ZCWPW2: variants seen among roughly 807,000 people sequenced by gnomAD.
ZCWPW2 encodes the protein zinc finger CW-type PWWP domain protein 2.
Under a neutral mutation model 46.6 loss-of-function variants are expected in ZCWPW2, and 45 were observed. That is an observed-to-expected ratio of 0.96 (90% CI 0.76 to 1.24). The LOEUF (loss-of-function observed/expected upper bound fraction) is 1.24. Among genes scored for constraint, ZCWPW2 ranks in the 50% most tolerant of loss-of-function variants. The probability of loss-of-function intolerance (pLI) is 0.00; values close to 1 mark genes in which losing one functional copy is unlikely to be tolerated. For synonymous variants in ZCWPW2, 152 were observed against 137.1 expected, an observed-to-expected ratio of 1.11 and a Z score of -0.76; for missense variants, 429 against 403.9, an observed-to-expected ratio of 1.06 and a Z score of -0.53.
intron 1 of ZCWPW2, among the ~76,000 whole-genome samples, chr3:28,384,032 C>T (rs573882966): frequency 6.6e-6 from 1 of 152,240 alleles, no homozygotes; most frequent in South Asian, 2.1e-4. Context: ...CCTGGGCTCT[C>T]CCACAGCTTT....
At chr3:28,358,842 C>CG (rs1466129492) in intron 1 of ZCWPW2, among the ~76,000 whole-genome samples, 1 of 151,994 alleles carries the variant, frequency 6.6e-6, no homozygotes, top group African/African-American at 2.4e-5. Context: ...TTTTACCCCC[C>CG]CCAACAATCC....
At position 28,369,934 on chromosome 3, in the gene ZCWPW2, G is replaced by A. The variant is rs150650339; in HGVS notation, c.-133-20564G>A. Among the ~76,000 whole-genome samples, 391 of 152,236 alleles carry A rather than the reference G, an allele frequency of 2.6e-3. 1 individual carries two copies. Among genetic ancestry groups the A allele is most frequent in the African/African-American group, 8.5e-3 (352 of 41,544 alleles). ...CTGTGCTAGCAATGAGCGAGGCTCC[G>A]TGGGTGTAGGACCCTCCGAGCCAGG... On this transcript the variant is annotated intron_variant, in intron 1 of 9. Coordinates refer to ENST00000383768, the MANE Select transcript of ZCWPW2 (RefSeq NM_001040432.4).
At chr3:28,488,258 G>T (rs963376740) in intron 5 of ZCWPW2, among the ~76,000 whole-genome samples, 1 of 152,140 alleles carries the variant, frequency 6.6e-6, no homozygotes. Context: ...GCTCAGGTTG[G>T]TTGTGATTCT....
At chr3:28,458,073 C>T (rs1008657301) in intron 4 of ZCWPW2, among the ~76,000 whole-genome samples, 1 of 152,118 alleles carries the variant, frequency 6.6e-6, no homozygotes, top group Non-Finnish European at 1.5e-5. Flanking sequence ...GGCTAAGGAA[C>T]TCTTTATAAC....
rs548718723 is a variant in ZCWPW2 at position 28,411,873 on chromosome 3, A to C, written c.-13-1183A>C. Among the ~76,000 whole-genome samples, 4 of 152,198 alleles carry C rather than the reference A, an allele frequency of 2.6e-5. No homozygotes were observed. In the South Asian group the frequency reaches 8.3e-4, roughly 32 times the overall value. On this transcript the variant is annotated intron_variant, in intron 2 of 9. Coordinates refer to ENST00000383768, the MANE Select transcript of ZCWPW2 (RefSeq NM_001040432.4). ...CTTTTTCACTCTTTCAACATGAAAA[A>C]CAGTGTTACACTGAATGTTTTTGGT... is the stretch of plus-strand genomic sequence containing the variant.
intron 1 of ZCWPW2, among the ~76,000 whole-genome samples, chr3:28,356,309 C>T (rs2125688933): frequency 1.3e-5 from 2 of 149,020 alleles, no homozygotes; most frequent in African/African-American, 4.9e-5. Context: ...GAGACACCAT[C>T]TCACACCAGT....
chr3:28,442,459 C>T (rs950208940), intron 4 of ZCWPW2, among the ~76,000 whole-genome samples: 1 of 152,132 alleles, frequency 6.6e-6, no homozygotes, highest in Admixed American at 6.5e-5. Flanking sequence ...ATATAATGGA[C>T]CAGTGTGATA....
At chr3:28,369,174 C>G (rs965173025) in intron 1 of ZCWPW2, among the ~76,000 whole-genome samples, 1 of 152,222 alleles carries the variant, frequency 6.6e-6, no homozygotes, top group African/African-American at 2.4e-5. Context: ...AAGTCATTCT[C>G]CATCCAGCGT....
At chr3:28,395,697 A>G (rs1314442226) in intron 2 of ZCWPW2, among the ~76,000 whole-genome samples, 4 of 152,174 alleles carry the variant, frequency 2.6e-5, no homozygotes, top group Admixed American at 2.6e-4. Context: ...TTAGAATTTG[A>G]TAAAGTTGTA....
intron 4 of ZCWPW2, among the ~76,000 whole-genome samples, chr3:28,453,057 A>C (rs561749469): frequency 1.4e-4 from 22 of 152,188 alleles, no homozygotes; most frequent in Non-Finnish European, 1.3e-4. Flanking sequence ...TATTGAAAGC[A>C]GGAAATAAGT....
Position 28,348,791 on chromosome 3 carries a change from G to C in ZCWPW2, c.-546G>C, listed in dbSNP as rs1704390230. 4.5e-6 allele frequency: 1 copy of C among 223,090 alleles called. No homozygotes were observed. The highest frequency in any genetic ancestry group is 7.5e-6 in the Non-Finnish European group (1 of 132,634). The allele number at this position is 223,090 out of a possible 1,614,324, so 13.8% of individuals were successfully genotyped here. On this transcript the variant is annotated 5_prime_UTR_variant, in exon 1 of 10. Transcript: ENST00000383768. The stretch of plus-strand genomic sequence containing the variant: ...TCGCGGAGGGAGTCCCATTTCTTCT[G>C]ACTCGGCAGGAGCCCGGGACGTTCT...
chr3:28,505,756 C>G (rs1435139373), intron 6 of ZCWPW2, among the ~76,000 whole-genome samples: 1 of 152,050 alleles, frequency 6.6e-6, no homozygotes, highest in Non-Finnish European at 1.5e-5. Context: ...GCAAGCAGCT[C>G]TTTAGTGATT....
At chr3:28,365,526 A>G (rs1296338488) in intron 1 of ZCWPW2, among the ~76,000 whole-genome samples, 2 of 140,892 alleles carry the variant, frequency 1.4e-5, no homozygotes, top group Non-Finnish European at 3.2e-5. Flanking sequence ...TGGTACCAGT[A>G]CCATGCTGTT....
At position 28,427,026 on chromosome 3, in the gene ZCWPW2, G is replaced by A. The variant is rs74451131; in HGVS notation, c.333-8084G>A. 6.9e-3 allele frequency among the ~76,000 whole-genome samples: 1,049 copies of A among 152,196 alleles called. 10 individuals carry two copies. The highest frequency in any genetic ancestry group is 0.023 in the African/African-American group (944 of 41,518). On this transcript the variant is annotated intron_variant, in intron 3 of 9. Transcript: ENST00000383768. ...CCTGCCAAAATTTGCCCTTTCCTCCGATGGATTTCAATGACTGGTATCTAT... is the reference window on the plus strand; with the variant it reads ...CCTGCCAAAATTTGCCCTTTCCTCCAATGGATTTCAATGACTGGTATCTAT...
chr3:28,440,075 A>G (rs978264180), intron 4 of ZCWPW2, among the ~76,000 whole-genome samples: 1 of 152,076 alleles, frequency 6.6e-6, no homozygotes, highest in Non-Finnish European at 1.5e-5. Flanking sequence ...GTAGTTTGCC[A>G]TTGACCTAAT....
At chr3:28,382,312 T>C (rs1695136405) in intron 1 of ZCWPW2, among the ~76,000 whole-genome samples, 1 of 152,160 alleles carries the variant, frequency 6.6e-6, no homozygotes, top group Non-Finnish European at 1.5e-5. Context: ...TCTTTTTGGC[T>C]TGTAGATGGC....
rs1039420528 is a variant in ZCWPW2, at chr3:28,371,826, G to A, written c.-133-18672G>A. Reference sequence around the variant, plus strand: ...GGTGGCGGATGTGGTCATGCTCCAGGCCTAGGGGAAAAGAGGCCTTAGAGG... The same window carrying A: ...GGTGGCGGATGTGGTCATGCTCCAGACCTAGGGGAAAAGAGGCCTTAGAGG... On this transcript the variant is annotated intron_variant, in intron 1 of 9. Transcript: ENST00000383768. Among the ~76,000 whole-genome samples the A allele has an allele frequency of 2.6e-5, 4 of 152,108 alleles. No homozygotes were observed. In the East Asian group the frequency reaches 7.7e-4, roughly 29 times the overall value.
intron 4 of ZCWPW2, among the ~76,000 whole-genome samples, chr3:28,442,367 T>C (rs1381151685): frequency 1.3e-5 from 2 of 152,238 alleles, no homozygotes; most frequent in Non-Finnish European, 2.9e-5. Context: ...TTTCCCATCC[T>C]CTGGCAAGCA....
chr3:28,372,751 A>G (rs893376266), intron 1 of ZCWPW2, among the ~76,000 whole-genome samples: 1 of 151,786 alleles, frequency 6.6e-6, no homozygotes, highest in African/African-American at 2.4e-5. Flanking sequence ...CCAACAGGCA[A>G]TTTTTCAGCC....
Sources: allele counts gnomAD v4.1 joint callset (sites outside exome capture counted in the v4.1 genomes callset), GRCh38; gene constraint gnomAD v4.1.1; transcripts MANE v1.5; gene names NCBI Gene and HGNC (gene_info 2026-07-23, HGNC 2026-07-21).